PPP1R12A: variants seen among roughly 807,000 people sequenced by gnomAD.
PPP1R12A encodes the protein protein phosphatase 1 regulatory subunit 12A.
Under a neutral mutation model 139.6 loss-of-function variants are expected in PPP1R12A, and 19 were observed. The observed-to-expected ratio is 0.14, with a 90% confidence interval of 0.09 to 0.20. PPP1R12A has a LOEUF of 0.20. Among genes scored for constraint, PPP1R12A ranks in the 10% least tolerant of loss-of-function variants. PPP1R12A has a pLI of 1.00. For missense variants in PPP1R12A, 925 were observed against 1,211.5 expected, an observed-to-expected ratio of 0.76 and a Z score of 3.51; for synonymous variants, 427 against 420.6, an observed-to-expected ratio of 1.02 and a Z score of -0.19.
chr12:79,876,916 C>G (rs1883160431), intron 1 of PPP1R12A, among the ~76,000 whole-genome samples: 4 of 151,968 alleles, frequency 2.6e-5, no homozygotes, highest in African/African-American at 9.7e-5. Context: ...GAGACTGAGA[C>G]AGGAGAACCG....
At chr12:79,909,871 T>C (rs916415584) in intron 1 of PPP1R12A, among the ~76,000 whole-genome samples, 88 of 152,124 alleles carry the variant, frequency 5.8e-4, no homozygotes, top group African/African-American at 2.1e-3. Context: ...TCCGGCTAAT[T>C]TTTGTATTTT....
At chr12:79,818,827 T>A (rs1053730480) in intron 8 of PPP1R12A, 3 of 152,232 alleles carry the variant, frequency 2.0e-5, no homozygotes, top group African/African-American at 7.2e-5. Flanking sequence ...GCAAAATAGT[T>A]ATTTTATGTC....
intron 10 of PPP1R12A, 41 bp from the exon 11 acceptor site, chr12:79,808,618 T>C: frequency 8.4e-7 from 1 of 1,191,532 alleles, no homozygotes; most frequent in South Asian, 1.3e-5. Context: ...TTAATTTGGG[T>C]ACTGACTATA....
Position 79,774,584 on chromosome 12 carries a change from C to T in PPP1R12A, c.*1345G>A, listed in dbSNP as rs1869540417. On this transcript the variant is annotated 3_prime_UTR_variant, in exon 25 of 25. Coordinates refer to ENST00000450142, the MANE Select transcript of PPP1R12A (RefSeq NM_002480.3). ...AATGAAAATATAAAAGCTATTTGTCCAAATAAAAGCCATCGTCACTATGTA... is the reference window on the plus strand; with the variant it reads ...AATGAAAATATAAAAGCTATTTGTCTAAATAAAAGCCATCGTCACTATGTA... The T allele has an allele frequency of 6.6e-6, 1 of 151,634 alleles. No individual in the cohort carries two copies. The highest frequency in any genetic ancestry group is 2.4e-5 in the African/African-American group (1 of 41,184). 9.4% of individuals were successfully genotyped at this position (151,634 alleles called of 1,614,324 possible).
chr12:79,843,237 T>C lies in PPP1R12A; in HGVS notation c.487+2065A>G, dbSNP rs1446595149. Among the ~76,000 whole-genome samples the C allele has an allele frequency of 5.9e-5, 9 of 152,284 alleles. 1 individual carries two copies. The highest frequency in any genetic ancestry group is 1.4e-4 in the African/African-American group (6 of 41,564). On this transcript the variant is annotated intron_variant, in intron 3 of 24. Transcript: ENST00000450142. The stretch of plus-strand genomic sequence containing the variant: ...CTAATATGAATAATTTGTACACCCA[T>C]GTTTGTACAAATTATTCAATTTCAA...
chr12:79,821,832 G>T (rs371773773), intron 6 of PPP1R12A, among the ~76,000 whole-genome samples: 63 of 151,466 alleles, frequency 4.2e-4, no homozygotes, highest in African/African-American at 1.4e-3. Context: ...AGATTTTATA[G>T]ATTCCATCTT....
chr12:79,859,354 G>GAAAAAAA (rs1160349807), intron 2 of PPP1R12A, among the ~76,000 whole-genome samples: 1 of 40,118 alleles, frequency 2.5e-5, no homozygotes, highest in Admixed American at 2.9e-4. Flanking sequence ...AAAAAAGAAA[G>GAAAAAAA]AAAAAAAAAA....
intron 1 of PPP1R12A, among the ~76,000 whole-genome samples, chr12:79,924,773 C>A (rs2136956248): frequency 1.3e-5 from 2 of 152,236 alleles, no homozygotes; most frequent in South Asian, 4.1e-4. Flanking sequence ...ACAAAAAAGA[C>A]TATGTTCACA....
chr12:79,799,088 C>A (rs929465670), intron 14 of PPP1R12A, among the ~76,000 whole-genome samples: 3 of 152,074 alleles, frequency 2.0e-5, no homozygotes, highest in Non-Finnish European at 2.9e-5. Flanking sequence ...TTATTCTCTA[C>A]CTACAGTATT....
intron 23 of PPP1R12A, chr12:79,779,800 A>C (rs981636575): frequency 6.1e-6 from 1 of 163,876 alleles, no homozygotes; most frequent in Non-Finnish European, 1.3e-5. Context: ...AATTAGTGGT[A>C]AAGTAAGACA....
intron 13 of PPP1R12A, 34 bp downstream of exon 13, chr12:79,806,132 G>A: frequency 6.2e-7 from 1 of 1,606,618 alleles, no homozygotes; most frequent in East Asian, 2.2e-5. Flanking sequence ...TAAGCACACA[G>A]TAGACCTGAG....
At chr12:79,894,147 G>T (rs1884917241) in intron 1 of PPP1R12A, among the ~76,000 whole-genome samples, 1 of 152,098 alleles carries the variant, frequency 6.6e-6, no homozygotes, top group Non-Finnish European at 1.5e-5. Flanking sequence ...CTGCTTTTAA[G>T]TTTCCTTTAA....
At chr12:79,864,055 G>A (rs1881683155) in intron 2 of PPP1R12A, among the ~76,000 whole-genome samples, 1 of 151,936 alleles carries the variant, frequency 6.6e-6, no homozygotes, top group Non-Finnish European at 1.5e-5. Flanking sequence ...AGCACCACAT[G>A]GCCCTTATTC....
intron 19 of PPP1R12A, 141 bp from the exon 20 acceptor site, chr12:79,790,624 T>C: frequency 6.1e-6 from 3 of 494,070 alleles, no homozygotes; most frequent in Non-Finnish European, 6.9e-6. Flanking sequence ...CATAACAGTA[T>C]ATACATATTT....
At chr12:79,896,386 T>G (rs1057424422) in intron 1 of PPP1R12A, among the ~76,000 whole-genome samples, 3 of 152,134 alleles carry the variant, frequency 2.0e-5, no homozygotes, top group African/African-American at 4.8e-5. Context: ...CAGGCTGGAG[T>G]GCAGTGGCTC....
At chr12:79,807,360 T>C (rs1873958485) in intron 11 of PPP1R12A, 30 bp from the exon 12 acceptor site, 1 of 1,338,506 alleles carries the variant, frequency 7.5e-7, no homozygotes, top group East Asian at 2.5e-5. Context: ...CAGATTCTGG[T>C]ACATAATTTT....
chr12:79,878,677 G>A (rs539468124), intron 1 of PPP1R12A, among the ~76,000 whole-genome samples: 150 of 152,174 alleles, frequency 9.9e-4, no homozygotes, highest in African/African-American at 3.5e-3. Context: ...CCTTCACATG[G>A]CGGTGGCAAG....
intron 2 of PPP1R12A, among the ~76,000 whole-genome samples, chr12:79,859,737 T>C (rs955080655): frequency 6.6e-6 from 1 of 152,058 alleles, no homozygotes; most frequent in Non-Finnish European, 1.5e-5. Context: ...AGACTCTGTC[T>C]CTACAAAAAT....
At chr12:79,860,725 A>G (rs749083826) in intron 2 of PPP1R12A, among the ~76,000 whole-genome samples, 12 of 152,224 alleles carry the variant, frequency 7.9e-5, no homozygotes, top group South Asian at 2.1e-4. Context: ...AAAATTTTAA[A>G]AAGTAAACTC....
Sources: allele counts gnomAD v4.1 joint callset (sites outside exome capture counted in the v4.1 genomes callset), GRCh38; gene constraint gnomAD v4.1.1; transcripts MANE v1.5; gene names NCBI Gene and HGNC (gene_info 2026-07-23, HGNC 2026-07-21).